Variants in ODAD3 observed in about 807,000 individuals in gnomAD.
ODAD3 encodes outer dynein arm-docking complex subunit 3.
A neutral mutation model predicts 70.9 loss-of-function variants in ODAD3; 57 were observed. The observed-to-expected ratio is 0.80, with a 90% CI of 0.65 to 1.00. The LOEUF is 1.00. Among genes scored for constraint, ODAD3 ranks in the 50% least tolerant of loss-of-function variants. The probability of loss-of-function intolerance (pLI) is 0.00; values close to 1 mark genes in which losing one functional copy is unlikely to be tolerated. For synonymous variants in ODAD3, 327 were observed against 315.9 expected, an observed-to-expected ratio of 1.04 and a Z score of -0.37; for missense variants, 797 against 763.9, an observed-to-expected ratio of 1.04 and a Z score of -0.51.
Position 11,427,028 on chromosome 19 carries a change from G to A in ODAD3, c.457C>T (p.Leu153=), listed in dbSNP as rs201858348. The change falls in exon 4 of 13, where the codon CTA becomes TTA. Residue 153 remains leucine (L), a synonymous_variant. Transcript: ENST00000356392. ...KNRTGQALEH[L]DHRLREKVKQ... ...ACCTTCTCCCTCAGCCGGTGGTCTA[G>A]GTGCTCCAGGGCCTGCCGCAAGGAG... The A allele has an allele frequency of 1.8e-5, 29 of 1,588,738 alleles. No individual in the cohort carries two copies. The East Asian group carries it at 6.1e-4, about 33-fold the overall frequency.
At chr19:11,430,811 G>C (rs758730991) in intron 2 of ODAD3, 35 bp from the exon 3 acceptor site, 2 of 1,613,868 alleles carry the variant, frequency 1.2e-6, no homozygotes, top group South Asian at 2.2e-5. Context: ...CTTTCAGCAT[G>C]CCACCTCCAG....
intron 11 of ODAD3, 47 bp downstream of exon 11, chr19:11,421,630 G>A (rs201300238): frequency 4.9e-4 from 779 of 1,574,618 alleles, no homozygotes; most frequent in South Asian, 6.8e-4. Context: ...TTCCGACCCA[G>A]CCCTACTCCT....
intron 1 of ODAD3, chr19:11,431,366 C>A (rs1224596967): frequency 1.5e-5 from 4 of 264,810 alleles, no homozygotes; most frequent in Non-Finnish European, 3.0e-5. Context: ...AAGTTCTAGG[C>A]CCCCTAAAGT....
chr19:11,426,898 T>G lies in ODAD3; in HGVS notation c.587A>C (p.Gln196Pro), dbSNP rs1328833835. 2 of 1,609,684 alleles carry G rather than the reference T, an allele frequency of 1.2e-6. No individual in the cohort carries two copies. The highest frequency in any genetic ancestry group is 2.7e-5 in the African/African-American group (2 of 74,868). The change falls in exon 4 of 13, where the codon CAA (glutamine) becomes CCA (proline). Residue 196 changes from glutamine (Q) to proline (P), a missense_variant. Transcript: ENST00000356392. ...CTTGGCCACCTCCGTGTGTCTGTTT[T>G]GCGCCTCCGCCATCTCCAGAAGGCG... is the stretch of plus-strand genomic sequence containing the variant. ...SLRLLEMAEA[Q>P]NRHTEVAKTM...
intron 3 of ODAD3, among the ~76,000 whole-genome samples, chr19:11,427,300 G>A (rs1451266194): frequency 1.4e-5 from 2 of 141,714 alleles, no homozygotes; most frequent in Non-Finnish European, 3.1e-5. Flanking sequence ...TCTTTCTTTC[G>A]TTTTTTTTTT....
intron 7 of ODAD3, among the ~76,000 whole-genome samples, chr19:11,425,589 A>ATATGTGTATATATG (rs1555722676): frequency 7.1e-6 from 1 of 140,194 alleles, no homozygotes; most frequent in Non-Finnish European, 1.5e-5. Flanking sequence ...ATATGTATGT[A>ATATGTGTATATATG]TATGTGTATA....
chr19:11,431,526 C>G (rs1030690169), intron 1 of ODAD3, among the ~76,000 whole-genome samples: 14 of 151,602 alleles, frequency 9.2e-5, no homozygotes, highest in African/African-American at 2.9e-4. Context: ...CATGATGGCT[C>G]GTTCCTGTAA....
chr19:11,434,662 C>T (rs1969612662), intron 1 of ODAD3, 111 bp downstream of exon 1: 1 of 1,392,364 alleles, frequency 7.2e-7, no homozygotes, highest in Non-Finnish European at 9.7e-7. Context: ...TGAGTTTTTG[C>T]CCAGAAACGG....
At chr19:11,428,909 A>G (rs555416879) in intron 3 of ODAD3, among the ~76,000 whole-genome samples, 1 of 145,220 alleles carries the variant, frequency 6.9e-6, no homozygotes, top group Admixed American at 6.9e-5. Flanking sequence ...TTATTTTGAG[A>G]CAGAGTTGCC....
In ODAD3 at chr19:11,422,879, CCA is replaced by C; in HGVS notation, c.1117-20_1117-19del. 2.5e-6 allele frequency: 4 copies of C among 1,598,672 alleles called. No individual in the cohort carries two copies. Among genetic ancestry groups the C allele is most frequent in the Non-Finnish European group, 3.4e-6 (4 of 1,178,706 alleles). ...ACCAACGACTGCGGGCCACCCAGCC[CCA>C]GTCAGAGCCAGGGCCTAGGGAGCGT... is the stretch of plus-strand genomic sequence containing the variant. On this transcript the variant is annotated intron_variant, in intron 8 of 12. Coordinates refer to ENST00000356392, the MANE Select transcript of ODAD3 (RefSeq NM_145045.5). This position sits in a 1 kb window ranked among gnomAD's most constrained non-coding sequence, Gnocchi z 4.6.
intron 7 of ODAD3, among the ~76,000 whole-genome samples, chr19:11,424,923 C>CA (rs1969243257): frequency 1.1e-5 from 1 of 94,600 alleles, no homozygotes; most frequent in African/African-American, 6.4e-5. Context: ...GTATATGTAC[C>CA]TATGTGTATA....
At chr19:11,427,064 G>A (rs371066422) in intron 3 of ODAD3, 24 bp from the exon 4 acceptor site, 59 of 1,547,950 alleles carry the variant, frequency 3.8e-5, no homozygotes, top group Non-Finnish European at 5.0e-5. Context: ...GGGAGCGAAA[G>A]CAGGAGCCTC....
Position 11,426,985 on chromosome 19 carries a change from A to C in ODAD3, c.500T>G (p.Leu167Arg). ...LREKVKQQNA[L>R]RHQVVLRQRR... ...CTGCCGCAACACCACCTGGTGCCGC[A>C]GGGCGTTCTGCTGCTTCACCTTCTC... is the stretch of plus-strand genomic sequence containing the variant. The change falls in exon 4 of 13, where the codon CTG becomes CGG. Residue 167 changes from leucine (L) to arginine (R), a missense_variant. Leu to Arg is a moderately radical substitution (Grantham distance 102). Transcript: ENST00000356392. 1 of 1,606,100 alleles carries C rather than the reference A, an allele frequency of 6.2e-7. No homozygotes were observed. The highest frequency in any genetic ancestry group is 8.5e-7 in the Non-Finnish European group (1 of 1,179,476).
At position 11,425,296 on chromosome 19, in the gene ODAD3, TATATGTGTATGTGTAC is replaced by T. The variant is rs1258782255; in HGVS notation, c.963+832_963+847del. On this transcript the variant is annotated intron_variant, in intron 7 of 12. Coordinates refer to ENST00000356392, the MANE Select transcript of ODAD3 (RefSeq NM_145045.5). ...ATGTGTGTATATGTACATATGTGTA[TATATGTGTATGTGTAC>T]ATATGTGTATATGTACATATGTGTA... Among the ~76,000 whole-genome samples the T allele has an allele frequency of 5.8e-4, 77 of 132,552 alleles. 9 individuals are homozygous for T. In the South Asian group the frequency reaches 0.013, roughly 23 times the overall value. 87.0% of individuals were successfully genotyped at this position (132,552 alleles called of 152,430 possible). A position where few individuals can be genotyped will look rare whatever the true frequency, so the allele number is the denominator to read the frequency against.
chr19:11,435,368 C>T, upstream of ODAD3: 1 of 470,616 alleles, frequency 2.1e-6, no homozygotes, highest in Non-Finnish European at 3.7e-6. Context: ...CCAACCTTAT[C>T]CCGCCCCTGG....
chr19:11,424,629 ATGT>A, intron 7 of ODAD3, among the ~76,000 whole-genome samples: 1 of 119,224 alleles, frequency 8.4e-6, no homozygotes, highest in Non-Finnish European at 1.6e-5. Context: ...ATGTGTATAT[ATGT>A]ATATATGTGT....
chr19:11,423,524 C>G (rs952420641), intron 8 of ODAD3, among the ~76,000 whole-genome samples: 1 of 152,148 alleles, frequency 6.6e-6, no homozygotes, highest in Admixed American at 6.6e-5. Context: ...TCCACTGGGT[C>G]CCAGACCATG....
At chr19:11,434,645 CTAAGTA>C in intron 1 of ODAD3, 122 bp downstream of exon 1, 2 of 1,184,778 alleles carry the variant, frequency 1.7e-6, no homozygotes, top group Non-Finnish European at 2.4e-6. Context: ...AAAACATGAA[CTAAGTA>C]TGAGTTTTTG....
At position 11,422,429 on chromosome 19, in the gene ODAD3, T is replaced by G. The variant is rs1203552491; in HGVS notation, c.1434+42A>C. 4.0e-6 allele frequency: 6 copies of G among 1,504,070 alleles called. No individual in the cohort carries two copies. In the African/African-American group the frequency reaches 8.3e-5, roughly 21 times the overall value. 93.2% of individuals were successfully genotyped at this position (1,504,070 alleles called of 1,614,324 possible). On this transcript the variant is annotated intron_variant, in intron 10 of 12. Coordinates refer to ENST00000356392, the MANE Select transcript of ODAD3 (RefSeq NM_145045.5). This position sits in a 1 kb window ranked among gnomAD's most constrained non-coding sequence, Gnocchi z 4.6. ...CCGCTTCGTGGCTGCGCCTCTGCGG[T>G]CCCAGGAGGGCCTGTCGGGGCTTCC...
Sources: gnomAD v4.1 joint callset for allele counts (sites outside exome capture counted in the v4.1 genomes callset) on GRCh38, gnomAD v4.1.1 for gene constraint, Gnocchi (gnomAD v3.1) non-coding constraint, MANE v1.5 for transcripts, NCBI Gene and HGNC (gene_info 2026-07-23, HGNC 2026-07-21) for gene names.